The following DNAAF2 variants were observed in gnomAD, a reference collection of about 807,000 sequenced individuals.
The protein encoded by DNAAF2 is dynein axonemal assembly factor 2, also known as protein kintoun.
In DNAAF2, 58 loss-of-function variants were observed where a neutral mutation model predicts 48.8. That is an observed-to-expected ratio of 1.19 (90% CI 0.96 to 1.48). DNAAF2 has a LOEUF of 1.48. DNAAF2 is among the 40% of genes most tolerant of loss of function. DNAAF2 has a pLI of 0.00. For missense variants in DNAAF2, 1,241 were observed against 1,116.1 expected (o/e 1.11, Z -1.59); for synonymous variants, 567 against 481.2 (o/e 1.18, Z -2.33).
chr14:49,625,866 T>C lies in DNAAF2; in HGVS notation c.2190A>G (p.Gln730=). 6.2e-7 allele frequency: 1 copy of C among 1,612,554 alleles called. No homozygotes were observed. The highest frequency in any genetic ancestry group is 8.5e-7 in the Non-Finnish European group (1 of 1,179,530). ...TCATTTGAGAAACATCAAGAGACTCTTGTTGAAAGCATGTAACTAAACCAA... is the reference window on the plus strand; with the variant it reads ...TCATTTGAGAAACATCAAGAGACTCCTGTTGAAAGCATGTAACTAAACCAA... ...DSFGLVTCFQ[Q]ESLDVSQMIL... Residue 730 remains glutamine (Q), a synonymous_variant, in exon 3 of 3, where the codon CAA becomes CAG. Transcript: ENST00000298292.
At chr14:49,633,208 C>A in intron 1 of DNAAF2, 79 bp downstream of exon 1, 2 of 1,543,462 alleles carry the variant, frequency 1.3e-6, no homozygotes, top group Non-Finnish European at 1.8e-6. Context: ...GCGTGAGCCA[C>A]CGCGCCCGGC....
rs1241721232 is a variant in DNAAF2 at position 49,633,988 on chromosome 14, C to A, written c.1162G>T (p.Ala388Ser). 14 of 1,524,592 alleles carry A rather than the reference C, an allele frequency of 9.2e-6. No homozygotes were observed. Among genetic ancestry groups the A allele is most frequent in the Non-Finnish European group, 1.2e-5 (14 of 1,142,526 alleles). The allele number at this position is 1,524,592 out of a possible 1,614,324, so 94.4% of individuals were successfully genotyped here. ...QACASAREGE[A>S]GPARSRAEDG... ...TCCGCGCGACTCCTCGCGGGTCCCG[C>A]CTCCCCCTCGCGAGCGGAAGCGCAG... Residue 388 changes from alanine to serine, a missense_variant, in exon 1 of 3, where the codon GCG (alanine) becomes TCG (serine). By Grantham distance (99) the Ala-to-Ser change is moderately conservative. Coordinates refer to ENST00000298292, the MANE Select transcript of DNAAF2 (RefSeq NM_018139.3).
Position 49,634,823 on chromosome 14 carries a change from G to A in DNAAF2, c.327C>T (p.Gly109=), listed in dbSNP as rs914228343. 1 of 1,546,288 alleles carries A rather than the reference G, an allele frequency of 6.5e-7. No homozygotes were observed. The change falls in exon 1 of 3, where the codon GGC becomes GGT. Residue 109 remains glycine (G), a synonymous_variant. Coordinates refer to ENST00000298292, the MANE Select transcript of DNAAF2 (RefSeq NM_018139.3). ...GAPSSRPGSG[G]DRGAAPGSHW... Reference sequence around the variant, plus strand: ...GGCTGCCAGGAGCTGCGCCCCGGTCGCCACCGGAGCCGGGCCGGCTGCTGG... The same window carrying A: ...GGCTGCCAGGAGCTGCGCCCCGGTCACCACCGGAGCCGGGCCGGCTGCTGG...
At position 49,634,908 on chromosome 14, in the gene DNAAF2, C is replaced by G. The variant is rs1439967167; in HGVS notation, c.242G>C (p.Ser81Thr). 1 of 1,551,624 alleles carries G rather than the reference C, an allele frequency of 6.4e-7. No homozygotes were observed. The highest frequency in any genetic ancestry group is 8.7e-7 in the Non-Finnish European group (1 of 1,147,526). The change falls in exon 1 of 3, where the codon AGC becomes ACC. Residue 81 changes from serine to threonine, a missense_variant. By Grantham distance (58) the Ser-to-Thr change is moderately conservative. Transcript: ENST00000298292. ...AAAGCAGCGCCGCGCCCCGTCCAGG[C>G]TGGTGCGCAGCACATGGCCGGGCTC... is the stretch of plus-strand genomic sequence containing the variant. The part of the protein sequence containing the change: ...HPEPGHVLRT[S>T]LDGARRCFVN...
rs1263064209 is a variant in DNAAF2 at position 49,628,030 on chromosome 14, CTTA to C, written c.1986_1988del (p.Asn662del). The C allele has an allele frequency of 9.6e-6, 15 of 1,568,710 alleles. No individual in the cohort carries two copies. The highest frequency in any genetic ancestry group is 1.2e-5 in the Non-Finnish European group (14 of 1,155,406). Reference sequence around the variant, plus strand: ...TCCTTACCTTTGCATTAATTTGAATCTTATTATCAGTAACTTGAAGAACTTCAA... The same window carrying C: ...TCCTTACCTTTGCATTAATTTGAATCTTATCAGTAACTTGAAGAACTTCAA... On this transcript the variant is annotated inframe_deletion, in exon 2 of 3. Transcript: ENST00000298292.
intron 1 of DNAAF2, among the ~76,000 whole-genome samples, chr14:49,630,759 T>TACACAC (rs1166011511): frequency 2.9e-5 from 2 of 69,362 alleles, no homozygotes; most frequent in African/African-American, 4.2e-5. Context: ...ACACACACTT[T>TACACAC]TTTTTTTTTT....
Position 49,625,841 on chromosome 14 carries a change from T to G in DNAAF2, c.2215A>C (p.Ile739Leu). 1 of 1,609,416 alleles carries G rather than the reference T, an allele frequency of 6.2e-7. No individual in the cohort carries two copies. Among genetic ancestry groups the G allele is most frequent in the Non-Finnish European group, 8.5e-7 (1 of 1,178,738 alleles). Residue 739 changes from isoleucine (I) to leucine (L), a missense_variant, in exon 3 of 3, where the codon ATA becomes CTA. Ile to Leu is a conservative substitution (Grantham distance 5). Transcript: ENST00000298292. ...TCAGGTTGCTGAGATTTTCCAAGTA[T>G]CATTTGAGAAACATCAAGAGACTCT... Reference protein sequence around the residue: ...QQESLDVSQMILGKSQQPESK... With the variant: ...QQESLDVSQMLLGKSQQPESK...
intron 1 of DNAAF2, among the ~76,000 whole-genome samples, chr14:49,630,892 A>T (rs1043682409): frequency 2.6e-5 from 4 of 152,180 alleles, no homozygotes; most frequent in African/African-American, 9.6e-5. Flanking sequence ...CTGGGACTGC[A>T]GGCGTGCACC....
chr14:49,630,743 A>ACACACACACACC, intron 1 of DNAAF2, among the ~76,000 whole-genome samples: 1 of 146,194 alleles, frequency 6.8e-6, no homozygotes, highest in African/African-American at 2.5e-5. Context: ...AACTCTCTAC[A>ACACACACACACC]CACACACACA....
In DNAAF2 at chr14:49,633,167, G is replaced by T; in HGVS notation, c.1863+120C>A. 17 of 1,165,702 alleles carry T rather than the reference G, an allele frequency of 1.5e-5. No individual in the cohort carries two copies. The South Asian group carries it at 2.5e-4, about 17-fold the overall frequency. 72.2% of individuals were successfully genotyped at this position (1,165,702 alleles called of 1,614,324 possible). A position where few individuals can be genotyped will look rare whatever the true frequency, so the allele number is the denominator to read the frequency against. ...GAACTCCTGACCTCGTGATCCGCCC[G>T]CCTCGGCCTCCCAAAATGCTGGGAT... is the stretch of plus-strand genomic sequence containing the variant. On this transcript the variant is annotated intron_variant, in intron 1 of 2. Transcript: ENST00000298292.
rs1883253827 is a variant in DNAAF2 at position 49,634,064 on chromosome 14, G to T, written c.1086C>A (p.Ala362=). Residue 362 remains alanine, a synonymous_variant, in exon 1 of 3, where the codon GCC becomes GCA. Transcript: ENST00000298292. ...AARREPAVAV[A]AAAPEESADR... ...CCGCGGACTCTTCCGGCGCGGCGGC[G>T]GCGACGGCGACAGCGGGCTCCCGGC... The T allele has an allele frequency of 1.3e-6, 2 of 1,526,520 alleles. No homozygotes were observed. Among genetic ancestry groups the T allele is most frequent in the Admixed American group, 2.1e-5 (1 of 47,950 alleles). The allele number at this position is 1,526,520 out of a possible 1,614,324, so 94.6% of individuals were successfully genotyped here.
chr14:49,633,574 G>A lies in DNAAF2; in HGVS notation c.1576C>T (p.Leu526=), dbSNP rs2139580929. ...AAGGTTTCTTTGTCCTGATTACACA[G>A]TAACGGAGGACACAAAGGCTCCCCG... ...KSGEPLCPPL[L]CNQDKETLTL... The change falls in exon 1 of 3, where the codon CTG becomes TTG. Residue 526 remains leucine (L), a synonymous_variant. Coordinates refer to ENST00000298292, the MANE Select transcript of DNAAF2 (RefSeq NM_018139.3). The A allele has an allele frequency of 1.2e-6, 2 of 1,613,998 alleles. No homozygotes were observed. The highest frequency in any genetic ancestry group is 2.7e-5 in the African/African-American group (2 of 75,074).
At position 49,634,562 on chromosome 14, in the gene DNAAF2, T is replaced by A. The variant is rs202180286; in HGVS notation, c.588A>T (p.Pro196=). The A allele has an allele frequency of 2.9e-5, 46 of 1,604,244 alleles. No homozygotes were observed. The highest frequency in any genetic ancestry group is 3.6e-5 in the Non-Finnish European group (42 of 1,179,664). ...KTLKAKYKGT[P]EAAVLRTPLP... is the part of the protein sequence containing the mutation. ...GGGGCGTGCGCAGCACCGCAGCCTC[T>A]GGGGTCCCCTTATACTTGGCCTTCA... Residue 196 remains proline (P), a synonymous_variant, in exon 1 of 3, where the codon CCA becomes CCT. Transcript: ENST00000298292.
intron 2 of DNAAF2, among the ~76,000 whole-genome samples, 198 bp from the exon 3 acceptor site, chr14:49,626,246 G>A (rs887622055): frequency 1.2e-4 from 18 of 152,140 alleles, no homozygotes; most frequent in African/African-American, 4.3e-4. Flanking sequence ...CCAGCACTTT[G>A]GGATGCCAAG....
chr14:49,625,935 A>G lies in DNAAF2; in HGVS notation c.2121T>C (p.Asp707=). The part of the protein sequence containing the change: ...YIEHCNTPTT[D]SDSSIAVKAL... ...CTTTAACTGCTATAGATGAATCAGA[A>G]TCAGTTGTAGGGGTGTTACAATGTT... is the stretch of plus-strand genomic sequence containing the variant. Residue 707 remains aspartate (D), a synonymous_variant, in exon 3 of 3, where the codon GAT becomes GAC. Coordinates refer to ENST00000298292, the MANE Select transcript of DNAAF2 (RefSeq NM_018139.3). 1 of 1,613,504 alleles carries G rather than the reference A, an allele frequency of 6.2e-7. No homozygotes were observed. Among genetic ancestry groups the G allele is most frequent in the Non-Finnish European group, 8.5e-7 (1 of 1,179,750 alleles).
At chr14:49,632,633 A>G (rs1883192153) in intron 1 of DNAAF2, among the ~76,000 whole-genome samples, 1 of 151,876 alleles carries the variant, frequency 6.6e-6, no homozygotes, top group Admixed American at 6.6e-5. Flanking sequence ...TTTAATAGTG[A>G]CGGGGTTTCG....
chr14:49,626,087 A>G, intron 2 of DNAAF2, 39 bp from the exon 3 acceptor site: 1 of 1,361,938 alleles, frequency 7.3e-7, no homozygotes, highest in Non-Finnish European at 9.5e-7. Flanking sequence ...ATTATTTTAA[A>G]TAATACAAAA....
chr14:49,631,902 C>G (rs1883174733), intron 1 of DNAAF2, among the ~76,000 whole-genome samples: 1 of 152,230 alleles, frequency 6.6e-6, no homozygotes, highest in Non-Finnish European at 1.5e-5. Context: ...AAATTTAACA[C>G]TGAGAGCCTG....
rs905056330 is a variant in DNAAF2 at position 49,635,180 on chromosome 14, A to G, written c.-31T>C. 17 of 1,548,678 alleles carry G rather than the reference A, an allele frequency of 1.1e-5. No individual in the cohort carries two copies. The Admixed American group carries it at 2.9e-4, about 27-fold the overall frequency. On this transcript the variant is annotated 5_prime_UTR_variant, in exon 1 of 3. Transcript: ENST00000298292. ...CCTGTGGCTCCTCGCCCTCGGGCCAAAGGCGATCAGTCTGACACTGGGTTG... is the reference window on the plus strand; with the variant it reads ...CCTGTGGCTCCTCGCCCTCGGGCCAGAGGCGATCAGTCTGACACTGGGTTG...
Sources: gnomAD v4.1 joint callset for allele counts (sites outside exome capture counted in the v4.1 genomes callset) on GRCh38, gnomAD v4.1.1 for gene constraint, MANE v1.5 for transcripts, NCBI Gene and HGNC (gene_info 2026-07-23, HGNC 2026-07-21) for gene names.